The following LRRC37A2 variants were observed in gnomAD, a reference collection of about 807,000 sequenced individuals.
The protein encoded by LRRC37A2 is leucine rich repeat containing 37 member A2.
A neutral mutation model predicts 68.8 loss-of-function variants in LRRC37A2; 9 were observed. The ratio of observed to expected loss-of-function variants is 0.13; its 90% CI spans 0.08 to 0.23. LRRC37A2 has a LOEUF of 0.23. Among genes scored for constraint, LRRC37A2 ranks in the 10% least tolerant of loss-of-function variants. The pLI is 1.00. For missense variants in LRRC37A2, 168 were observed against 950.4 expected, an observed-to-expected ratio of 0.18 and a Z score of 10.82; for synonymous variants, 63 against 367.6, an observed-to-expected ratio of 0.17 and a Z score of 9.48.
At chr17:46,731,078 T>TC in the LRRC37A2 span, among the ~76,000 whole-genome samples, 1 of 152,126 alleles carries the variant, frequency 6.6e-6, no homozygotes, top group Non-Finnish European at 1.5e-5. Context: ...TGTATGTGAG[T>TC]ATTCATAGCA....
chr17:46,935,078 C>T, the LRRC37A2 span: 5 of 1,611,976 alleles, frequency 3.1e-6, no homozygotes, highest in Non-Finnish European at 4.2e-6. Flanking sequence ...TTTAACTCCT[C>T]CCTCCAGAAA....
chr17:46,996,315 T>C, the LRRC37A2 span, among the ~76,000 whole-genome samples: 1 of 152,348 alleles, frequency 6.6e-6, no homozygotes, highest in East Asian at 1.9e-4. Context: ...GGTCGAATGG[T>C]GGGCCTAGTG....
the LRRC37A2 span, among the ~76,000 whole-genome samples, chr17:46,957,887 G>A: frequency 6.6e-6 from 1 of 152,182 alleles, no homozygotes; most frequent in South Asian, 2.1e-4. Flanking sequence ...CGGAGGCAAG[G>A]CACTCACCCA....
the LRRC37A2 span, among the ~76,000 whole-genome samples, chr17:46,640,427 AAAT>A: frequency 8.5e-6 from 1 of 118,228 alleles, no homozygotes; most frequent in South Asian, 2.5e-4. Context: ...TATTGTAAAT[AAAT>A]AATAAGAAAC....
At chr17:46,750,580 C>T in the LRRC37A2 span, among the ~76,000 whole-genome samples, 2 of 152,104 alleles carry the variant, frequency 1.3e-5, no homozygotes, top group Non-Finnish European at 2.9e-5. Context: ...CAGTTGTTTT[C>T]AGGAATTAGA....
chr17:46,505,469 TTTA>T, the LRRC37A2 span, among the ~76,000 whole-genome samples: 2 of 88,764 alleles, frequency 2.3e-5, no homozygotes, highest in South Asian at 3.4e-4. Context: ...TGTTTATCTA[TTTA>T]TTATTATTTT....
the LRRC37A2 span, among the ~76,000 whole-genome samples, chr17:46,500,731 A>G: frequency 6.6e-6 from 1 of 151,252 alleles, no homozygotes; most frequent in East Asian, 1.9e-4. Flanking sequence ...ATGACATTCA[A>G]TGAGTAGCAA....
chr17:46,760,633 C>CAAAAAAAA, the LRRC37A2 span, among the ~76,000 whole-genome samples: 1 of 61,260 alleles, frequency 1.6e-5, no homozygotes, highest in Non-Finnish European at 3.3e-5. Flanking sequence ...GACCCTATCT[C>CAAAAAAAA]AAAAAAAAAA....
chr17:46,947,680 G>T, the LRRC37A2 span, among the ~76,000 whole-genome samples: 1 of 152,232 alleles, frequency 6.6e-6, no homozygotes, highest in African/African-American at 2.4e-5. Flanking sequence ...CCAAACCTCA[G>T]CGTCCTGTCT....
the LRRC37A2 span, among the ~76,000 whole-genome samples, chr17:46,894,875 T>C: frequency 1.3e-5 from 2 of 152,226 alleles, no homozygotes; most frequent in Non-Finnish European, 2.9e-5. Context: ...TTCCAGCTAA[T>C]GGGCCTGCCC....
At chr17:46,900,176 T>TATATATATATATAC in the LRRC37A2 span, among the ~76,000 whole-genome samples, 2 of 66,142 alleles carry the variant, frequency 3.0e-5, no homozygotes, top group African/African-American at 1.7e-4. Context: ...TACATATATA[T>TATATATATATATAC]ATATATATAT....
chr17:46,914,945 G>A, the LRRC37A2 span, among the ~76,000 whole-genome samples: 2 of 152,062 alleles, frequency 1.3e-5, no homozygotes, highest in South Asian at 2.1e-4. Flanking sequence ...TTACACACTC[G>A]TACACTGTCT....
the LRRC37A2 span, chr17:46,935,407 G>T: frequency 7.0e-7 from 1 of 1,429,678 alleles, no homozygotes; most frequent in South Asian, 1.6e-5. Context: ...TAGGATCCAG[G>T]TCTTTTCCCA....
At chr17:47,026,491 C>A in the LRRC37A2 span, among the ~76,000 whole-genome samples, 1 of 152,132 alleles carries the variant, frequency 6.6e-6, no homozygotes, top group Non-Finnish European at 1.5e-5. Context: ...AGAGTGGGAC[C>A]AAGAATTTGC....
chr17:47,018,550 C>T, the LRRC37A2 span: 8 of 1,520,204 alleles, frequency 5.3e-6, no homozygotes, highest in Admixed American at 5.0e-5. Context: ...GAACCTCCCA[C>T]CATCCAGCAC....
At chr17:46,918,570 C>A in the LRRC37A2 span, among the ~76,000 whole-genome samples, 1 of 148,500 alleles carries the variant, frequency 6.7e-6, no homozygotes, top group East Asian at 1.9e-4. Context: ...TATTTTTGCA[C>A]CAACCTGATA....
chr17:46,492,369 C>T, the LRRC37A2 span, among the ~76,000 whole-genome samples: 2 of 150,920 alleles, frequency 1.3e-5, no homozygotes, highest in Non-Finnish European at 2.9e-5. Flanking sequence ...TTCTTTATTG[C>T]TGAGTAGCAG....
At chr17:46,957,061 C>T in the LRRC37A2 span, among the ~76,000 whole-genome samples, 1 of 152,174 alleles carries the variant, frequency 6.6e-6, no homozygotes, top group African/African-American at 2.4e-5. Context: ...GTAGTCCCAG[C>T]ACTTTGGGAG....
the LRRC37A2 span, among the ~76,000 whole-genome samples, chr17:46,848,631 G>A: frequency 6.6e-6 from 1 of 152,370 alleles, no homozygotes; most frequent in Admixed American, 6.5e-5. Context: ...TGGACACTTA[G>A]GAGGTACACG....
Sources: gnomAD v4.1 joint callset for allele counts (sites outside exome capture counted in the v4.1 genomes callset) on GRCh38, gnomAD v4.1.1 for gene constraint, MANE v1.5 for transcripts, NCBI Gene and HGNC (gene_info 2026-07-23, HGNC 2026-07-21) for gene names.